The following EPM2A variants were observed in gnomAD, a reference collection of about 807,000 sequenced individuals.
EPM2A encodes EPM2A glucan phosphatase, laforin.
EPM2A carries 21 observed loss-of-function variants against 26.5 expected under a neutral mutation model. The observed-to-expected ratio is 0.79, with a 90% confidence interval of 0.56 to 1.14. EPM2A has a LOEUF of 1.14. Ranked by LOEUF, EPM2A falls within the 50% of genes most tolerant of loss-of-function variation. The pLI, the probability that EPM2A is intolerant of heterozygous loss-of-function variation, is 0.00. For synonymous variants in EPM2A, 217 were observed against 177.6 expected (o/e 1.22, Z -1.76); for missense variants, 458 against 440.8 (o/e 1.04, Z -0.35).
At chr6:145,705,986 TA>T (rs922668379) in intron 1 of EPM2A, 32 of 455,848 alleles carry the variant, frequency 7.0e-5, no homozygotes, top group South Asian at 2.5e-4. Flanking sequence ...GCAATTTATT[TA>T]AATATGAAAA....
chr6:145,387,701 A>T (rs1332642300), intron 4 of EPM2A, among the ~76,000 whole-genome samples: 1 of 152,152 alleles, frequency 6.6e-6, no homozygotes, highest in African/African-American at 2.4e-5. Flanking sequence ...AAAAAGAAAA[A>T]ATCAAAATTA....
chr6:145,673,391 C>T (rs1779792046), intron 2 of EPM2A, among the ~76,000 whole-genome samples: 1 of 152,178 alleles, frequency 6.6e-6, no homozygotes, highest in Non-Finnish European at 1.5e-5. Flanking sequence ...GCATTTCCAA[C>T]TGAGGTACCT....
intron 2 of EPM2A, among the ~76,000 whole-genome samples, chr6:145,616,271 C>A (rs1361799071): frequency 2.0e-5 from 3 of 152,222 alleles, no homozygotes; most frequent in African/African-American, 4.8e-5. Context: ...GGCTTCAGAG[C>A]GAGCAAGCCT....
Position 145,620,129 on chromosome 6 carries a change from T to C in EPM2A, c.340+15116A>G, listed in dbSNP as rs938130189. ...TTGTTTAGACCAGTGGTCCCCAACC[T>C]TTTTGGAACCAGGGACCAGTTTTGT... On this transcript the variant is annotated intron_variant, in intron 2 of 3. Coordinates refer to the EPM2A transcript ENST00000450221. Among the ~76,000 whole-genome samples, 24 of 152,300 alleles carry C rather than the reference T, an allele frequency of 1.6e-4. 1 individual carries two copies. Among genetic ancestry groups the C allele is most frequent in the Admixed American group, 1.4e-3 (22 of 15,306 alleles).
chr6:145,392,090 T>C (rs13211401), intron 4 of EPM2A, among the ~76,000 whole-genome samples: 16,540 of 152,202 alleles, frequency 0.11, 942 homozygotes, highest in South Asian at 0.17. Flanking sequence ...TTCTTTTGAA[T>C]ATTTGAGATC....
intron 1 of EPM2A, among the ~76,000 whole-genome samples, chr6:145,723,168 T>C (rs936328805): frequency 6.6e-6 from 1 of 152,072 alleles, no homozygotes; most frequent in African/African-American, 2.4e-5. Context: ...AAAGGTAATA[T>C]GAAATGAAGG....
At chr6:145,568,050 G>T (rs182804844) in intron 2 of EPM2A, among the ~76,000 whole-genome samples, 173 of 152,262 alleles carry the variant, frequency 1.1e-3, no homozygotes, top group South Asian at 2.1e-3. Flanking sequence ...ACAGCATGAA[G>T]GAAGGATGCC....
intron 4 of EPM2A, among the ~76,000 whole-genome samples, chr6:145,433,605 C>T (rs918781196): frequency 6.6e-6 from 1 of 152,088 alleles, no homozygotes; most frequent in Non-Finnish European, 1.5e-5. Context: ...ATAGTTTAAA[C>T]CTCATAATAC....
chr6:145,630,722 C>G, intron 3 of EPM2A: 1 of 152,316 alleles, frequency 6.6e-6, no homozygotes, highest in Non-Finnish European at 1.5e-5. Flanking sequence ...ACAAATCACC[C>G]GCTTTGGTTG....
At chr6:145,396,438 A>T (rs913571716) in intron 4 of EPM2A, among the ~76,000 whole-genome samples, 2 of 152,212 alleles carry the variant, frequency 1.3e-5, no homozygotes, top group Admixed American at 6.5e-5. Flanking sequence ...CCAAGTAGAC[A>T]TCCAATTGTA....
At chr6:145,505,774 T>C (rs1157402821) in intron 2 of EPM2A, among the ~76,000 whole-genome samples, 1 of 152,218 alleles carries the variant, frequency 6.6e-6, no homozygotes, top group East Asian at 1.9e-4. Context: ...GATTATTTTC[T>C]TAATAAAAAT....
At chr6:145,515,880 C>T (rs1310715501) in intron 2 of EPM2A, among the ~76,000 whole-genome samples, 1 of 152,188 alleles carries the variant, frequency 6.6e-6, no homozygotes, top group Non-Finnish European at 1.5e-5. Flanking sequence ...GTATTCTCTT[C>T]TTAGCTTTCT....
At chr6:145,413,957 T>C (rs1404576505) in intron 4 of EPM2A, among the ~76,000 whole-genome samples, 2 of 152,182 alleles carry the variant, frequency 1.3e-5, no homozygotes, top group Non-Finnish European at 2.9e-5. Flanking sequence ...CTCTAGATTG[T>C]CTTTCCCTTC....
chr6:145,484,723 A>G (rs1053276339), intron 4 of EPM2A, among the ~76,000 whole-genome samples: 5 of 151,966 alleles, frequency 3.3e-5, no homozygotes, highest in African/African-American at 9.7e-5. Context: ...CCATGTCCAC[A>G]TAAATGTTAT....
intron 2 of EPM2A, among the ~76,000 whole-genome samples, chr6:145,539,248 T>C (rs7743453): frequency 0.01 from 1,594 of 152,334 alleles, 36 homozygotes; most frequent in African/African-American, 0.036. Context: ...ACTTCAACTT[T>C]GTGGTTAATT....
chr6:145,468,649 T>G (rs975810714), intron 4 of EPM2A, among the ~76,000 whole-genome samples: 2 of 152,046 alleles, frequency 1.3e-5, no homozygotes, highest in Admixed American at 6.6e-5. Context: ...ATTGAAGACT[T>G]AAATCTAAGG....
chr6:145,439,163 T>G (rs995532993), intron 4 of EPM2A, among the ~76,000 whole-genome samples: 11 of 152,214 alleles, frequency 7.2e-5, no homozygotes, highest in Non-Finnish European at 1.2e-4. Flanking sequence ...TATGGCTGCA[T>G]AGTATTCCAT....
intron 4 of EPM2A, among the ~76,000 whole-genome samples, chr6:145,419,742 T>G (rs1778757890): frequency 6.6e-6 from 1 of 152,086 alleles, no homozygotes; most frequent in African/African-American, 2.4e-5. Flanking sequence ...AGAAAAAATT[T>G]TGAGGAGTTT....
chr6:145,575,557 T>G (rs918925713), intron 2 of EPM2A, among the ~76,000 whole-genome samples: 5 of 152,228 alleles, frequency 3.3e-5, no homozygotes, highest in Admixed American at 2.0e-4. Flanking sequence ...GTTCAACATT[T>G]TCTTTCATCA....
Sources: gnomAD v4.1 joint callset for allele counts (sites outside exome capture counted in the v4.1 genomes callset) on GRCh38, gnomAD v4.1.1 for gene constraint, MANE v1.5 for transcripts, NCBI Gene and HGNC (gene_info 2026-07-23, HGNC 2026-07-21) for gene names.